NCOA1: variants seen among roughly 807,000 people sequenced by gnomAD.
NCOA1 encodes Hin-2 protein.
A neutral mutation model predicts 150.9 loss-of-function variants in NCOA1; 35 were observed. That is an observed-to-expected ratio of 0.23 (90% CI 0.18 to 0.31). The LOEUF (loss-of-function observed/expected upper bound fraction) is 0.31, where lower values mean the gene tolerates loss of function less well. Among genes scored for constraint, NCOA1 ranks in the 10% least tolerant of loss-of-function variants. The pLI is 1.00. For missense variants in NCOA1, 1,491 were observed against 1,749.3 expected, an observed-to-expected ratio of 0.85 and a Z score of 2.63; for synonymous variants, 590 against 630.0, an observed-to-expected ratio of 0.94 and a Z score of 0.95.
At chr2:24,736,192 G>A (rs998647757) in intron 17 of NCOA1, among the ~76,000 whole-genome samples, 3 of 148,674 alleles carry the variant, frequency 2.0e-5, no homozygotes, top group African/African-American at 7.5e-5. Context: ...TTGCACTCCA[G>A]CCTGGGCAGC....
chr2:24,701,556 T>A (rs1673161519), intron 11 of NCOA1, among the ~76,000 whole-genome samples: 1 of 150,858 alleles, frequency 6.6e-6, no homozygotes, highest in African/African-American at 2.4e-5. Flanking sequence ...ATATATAATA[T>A]GATCTCACTT....
At chr2:24,492,919 T>G (rs1341083685) in intron 1 of NCOA1, among the ~76,000 whole-genome samples, 1 of 151,086 alleles carries the variant, frequency 6.6e-6, no homozygotes, top group Non-Finnish European at 1.5e-5. Flanking sequence ...GGGTTAAATT[T>G]GTTTGAGGTT....
rs777334204 is a variant in NCOA1, at chr2:24,537,476, A to ATGTG, written c.-395-26818_-395-26817insGTGT. Among the ~76,000 whole-genome samples, 6 of 150,256 alleles carry ATGTG rather than the reference A, an allele frequency of 4.0e-5. No individual in the cohort carries two copies. In the East Asian group the frequency reaches 8.2e-4, roughly 20 times the overall value. ...ATTTGTGTGTGTATATATATATAAT[A>ATGTG]TATGTATGTGTGTGTGTGTGTGTCT... On this transcript the variant is annotated intron_variant, in intron 1 of 22. Coordinates refer to ENST00000348332, the MANE Select transcript of NCOA1 (RefSeq NM_003743.5).
At chr2:24,573,379 A>G (rs1464355920) in intron 2 of NCOA1, among the ~76,000 whole-genome samples, 2 of 152,156 alleles carry the variant, frequency 1.3e-5, no homozygotes, top group Non-Finnish European at 2.9e-5. Flanking sequence ...GAAATTAGAA[A>G]TTCCTTACAT....
At chr2:24,728,567 A>G (rs1223845767) in intron 16 of NCOA1, 91 bp downstream of exon 16, 2 of 1,087,502 alleles carry the variant, frequency 1.8e-6, no homozygotes, top group Middle Eastern at 2.4e-4. Flanking sequence ...TGTACCCACT[A>G]TGCTTTAGCT....
At chr2:24,497,457 C>A (rs1663271676) in intron 1 of NCOA1, among the ~76,000 whole-genome samples, 1 of 152,072 alleles carries the variant, frequency 6.6e-6, no homozygotes, top group Non-Finnish European at 1.5e-5. Flanking sequence ...GCAGGCAGAT[C>A]ATGAGGTCAG....
At chr2:24,696,621 A>G (rs111310594) in intron 10 of NCOA1, among the ~76,000 whole-genome samples, 2 of 152,214 alleles carry the variant, frequency 1.3e-5, no homozygotes, top group South Asian at 2.1e-4. Context: ...CCTACAATCT[A>G]ACAATTCTGT....
At chr2:24,708,401 C>G (rs1355379491) in intron 13 of NCOA1, among the ~76,000 whole-genome samples, 5 of 152,210 alleles carry the variant, frequency 3.3e-5, no homozygotes, top group Admixed American at 2.6e-4. Flanking sequence ...AGAATAGGGA[C>G]TTGAATATTC....
intron 1 of NCOA1, among the ~76,000 whole-genome samples, chr2:24,515,184 G>A (rs1302610663): frequency 6.6e-6 from 1 of 152,088 alleles, no homozygotes; most frequent in East Asian, 1.9e-4. Flanking sequence ...GTGCATTTAG[G>A]AACAACTTAT....
rs1203389123 is a variant in NCOA1, at chr2:24,508,831, GAC to G, written c.-396+17235_-396+17236del. ...GACAACTTTATAGATAGTATTGTGA[GAC>G]ACACAAAATCTCTGGTTATCTTTTG... On this transcript the variant is annotated intron_variant, in intron 1 of 22. Coordinates refer to ENST00000348332, the MANE Select transcript of NCOA1 (RefSeq NM_003743.5). Among the ~76,000 whole-genome samples, 4 of 152,286 alleles carry G rather than the reference GAC, an allele frequency of 2.6e-5. No individual in the cohort carries two copies. The East Asian group carries it at 7.7e-4, about 29-fold the overall frequency.
chr2:24,718,127 T>A (rs571595925), intron 14 of NCOA1, among the ~76,000 whole-genome samples: 1 of 152,140 alleles, frequency 6.6e-6, no homozygotes, highest in Non-Finnish European at 1.5e-5. Flanking sequence ...CTAGAACTTC[T>A]GGCCTCAAGT....
At chr2:24,689,409 C>T (rs975981023) in intron 8 of NCOA1, among the ~76,000 whole-genome samples, 1 of 151,258 alleles carries the variant, frequency 6.6e-6, no homozygotes, top group South Asian at 2.1e-4. Context: ...GTAGTGTTAA[C>T]GAATCCTTTT....
At chr2:24,668,433 A>G (rs1671531748) in intron 6 of NCOA1, among the ~76,000 whole-genome samples, 1 of 151,948 alleles carries the variant, frequency 6.6e-6, no homozygotes, top group South Asian at 2.1e-4. Flanking sequence ...AAGAAAAAAC[A>G]GGTCTCACAC....
intron 3 of NCOA1, among the ~76,000 whole-genome samples, chr2:24,617,915 A>T (rs1253732271): frequency 6.6e-6 from 1 of 152,132 alleles, no homozygotes; most frequent in Non-Finnish European, 1.5e-5. Context: ...CAGACAGTAA[A>T]ATCTCTGTGG....
chr2:24,683,197 T>A, intron 8 of NCOA1, 69 bp downstream of exon 8: 3 of 878,798 alleles, frequency 3.4e-6, no homozygotes, highest in Non-Finnish European at 4.7e-6. Flanking sequence ...ATATGTATAA[T>A]ATGTGATTAT....
intron 1 of NCOA1, among the ~76,000 whole-genome samples, chr2:24,499,373 G>T (rs1663359248): frequency 1.3e-5 from 2 of 152,088 alleles, no homozygotes; most frequent in African/African-American, 4.8e-5. Context: ...ATATATAGAT[G>T]AATTTTGGAC....
intron 16 of NCOA1, among the ~76,000 whole-genome samples, chr2:24,728,715 T>C (rs763572890): frequency 6.6e-6 from 1 of 152,194 alleles, no homozygotes; most frequent in Non-Finnish European, 1.5e-5. Context: ...CCAGCCAGAA[T>C]AGAATCCAGA....
At chr2:24,705,809 C>A (rs1242703275) in intron 12 of NCOA1, among the ~76,000 whole-genome samples, 2 of 152,244 alleles carry the variant, frequency 1.3e-5, no homozygotes, top group Admixed American at 1.3e-4. Flanking sequence ...AAAACAAAGA[C>A]ATTTCCCCTC....
intron 1 of NCOA1, among the ~76,000 whole-genome samples, chr2:24,497,131 G>T (rs1663252528): frequency 6.6e-6 from 1 of 152,114 alleles, no homozygotes; most frequent in Admixed American, 6.5e-5. Context: ...AGTGGCTGGC[G>T]TAAGATTGCA....
Sources: allele counts gnomAD v4.1 joint callset (sites outside exome capture counted in the v4.1 genomes callset), GRCh38; gene constraint gnomAD v4.1.1; transcripts MANE v1.5; gene names NCBI Gene and HGNC (gene_info 2026-07-23, HGNC 2026-07-21).